SKAP2: variants seen among roughly 807,000 people sequenced by gnomAD.
The protein encoded by SKAP2 is src kinase associated phosphoprotein 2.
A neutral mutation model predicts 54.9 loss-of-function variants in SKAP2; 28 were observed. The observed-to-expected ratio is 0.51, with a 90% CI of 0.38 to 0.70. The LOEUF (loss-of-function observed/expected upper bound fraction) is 0.70. Among genes scored for constraint, SKAP2 ranks in the 30% least tolerant of loss-of-function variants. The pLI is 0.00. For missense variants in SKAP2, 356 were observed against 424.1 expected (o/e 0.84, Z 1.41); for synonymous variants, 137 against 134.3 (o/e 1.02, Z -0.14).
downstream of SKAP2, among the ~76,000 whole-genome samples, chr7:26,665,992 T>C (rs950993685): frequency 8.8e-4 from 132 of 149,722 alleles, 1 homozygote; most frequent in African/African-American, 3.0e-3. Flanking sequence ...ATATACAGTG[T>C]ACACACACAC....
At chr7:26,754,138 T>C (rs949184600) in intron 4 of SKAP2, among the ~76,000 whole-genome samples, 4 of 151,464 alleles carry the variant, frequency 2.6e-5, no homozygotes, top group Admixed American at 2.0e-4. Flanking sequence ...CTGAGGCGAG[T>C]GGATCACTTG....
chr7:26,751,070 T>C (rs893416327), intron 4 of SKAP2, among the ~76,000 whole-genome samples: 1 of 152,176 alleles, frequency 6.6e-6, no homozygotes, highest in African/African-American at 2.4e-5. Context: ...TACAAAAAGT[T>C]TAGAGTCATT....
intron 11 of SKAP2, among the ~76,000 whole-genome samples, chr7:26,672,728 A>G (rs988737140): frequency 6.6e-6 from 1 of 152,038 alleles, no homozygotes; most frequent in Non-Finnish European, 1.5e-5. Context: ...CAGCCATTAG[A>G]GTGTTGACAA....
At chr7:26,770,054 C>T (rs186778095) in intron 4 of SKAP2, among the ~76,000 whole-genome samples, 1,828 of 152,246 alleles carry the variant, frequency 0.012, 37 homozygotes, top group African/African-American at 0.041. Context: ...GTGCCCACAG[C>T]CACCCATTCC....
chr7:26,763,959 C>T (rs953911148), intron 4 of SKAP2, among the ~76,000 whole-genome samples: 2 of 152,138 alleles, frequency 1.3e-5, no homozygotes, highest in African/African-American at 2.4e-5. Flanking sequence ...ATCAACTATA[C>T]AATTCGTTGT....
chr7:26,811,873 G>A (rs1285014023), intron 4 of SKAP2, among the ~76,000 whole-genome samples: 1 of 152,102 alleles, frequency 6.6e-6, no homozygotes, highest in Non-Finnish European at 1.5e-5. Flanking sequence ...GTAATTTAAA[G>A]AACATTTTCC....
chr7:26,813,863 C>A (rs1246424045), intron 4 of SKAP2, among the ~76,000 whole-genome samples: 1 of 152,192 alleles, frequency 6.6e-6, no homozygotes, highest in Non-Finnish European at 1.5e-5. Flanking sequence ...TAATTTGCCA[C>A]AGAAAGGTCA....
intron 3 of SKAP2, among the ~76,000 whole-genome samples, chr7:26,852,294 T>G (rs1466867806): frequency 6.6e-6 from 1 of 152,232 alleles, no homozygotes; most frequent in African/African-American, 2.4e-5. Flanking sequence ...GAATAATTAC[T>G]TTGCAACTAT....
rs1455984362 is a variant in SKAP2 at position 26,667,479 on chromosome 7, T to C, written c.*2187A>G. 1.3e-5 allele frequency: 2 copies of C among 152,562 alleles called. No homozygotes were observed. The highest frequency in any genetic ancestry group is 2.9e-5 in the Non-Finnish European group (2 of 68,034). The allele number at this position is 152,562 out of a possible 1,614,324, so 9.5% of individuals were successfully genotyped here. A position where few individuals can be genotyped will look rare whatever the true frequency, so the allele number is the denominator to read the frequency against. ...GATTATTTGTCCTGTCACTCCAGTT[T>C]TAAGTCTTTTCTTTCCTTTCTTATG... On this transcript the variant is annotated 3_prime_UTR_variant, in exon 13 of 13. Coordinates refer to ENST00000345317, the MANE Select transcript of SKAP2 (RefSeq NM_003930.5).
intron 9 of SKAP2, among the ~76,000 whole-genome samples, chr7:26,705,451 C>T (rs1787135943): frequency 6.6e-6 from 1 of 152,154 alleles, no homozygotes; most frequent in Non-Finnish European, 1.5e-5. Flanking sequence ...GACATATGCA[C>T]TTTCCTGAAC....
intron 4 of SKAP2, among the ~76,000 whole-genome samples, chr7:26,770,798 A>C (rs1451908722): frequency 1.3e-5 from 2 of 152,160 alleles, no homozygotes; most frequent in Admixed American, 1.3e-4. Context: ...CTGTCTAACC[A>C]GTCCCAATGA....
chr7:26,751,479 T>C (rs1584368568), intron 4 of SKAP2, among the ~76,000 whole-genome samples: 1 of 152,208 alleles, frequency 6.6e-6, no homozygotes, highest in African/African-American at 2.4e-5. Flanking sequence ...TTAGTCTTCA[T>C]AGGTAAATAG....
At chr7:26,810,801 C>T (rs916838127) in intron 4 of SKAP2, among the ~76,000 whole-genome samples, 2 of 152,142 alleles carry the variant, frequency 1.3e-5, no homozygotes, top group African/African-American at 4.8e-5. Context: ...CCTGCCTCAG[C>T]CTCCCGCGTA....
At chr7:26,702,340 C>T (rs1007350618) in intron 9 of SKAP2, among the ~76,000 whole-genome samples, 11 of 152,056 alleles carry the variant, frequency 7.2e-5, no homozygotes, top group South Asian at 4.1e-4. Context: ...CAGGGTTTTG[C>T]CATGTTGCCC....
At chr7:26,797,945 G>A (rs187466355) in intron 4 of SKAP2, among the ~76,000 whole-genome samples, 2 of 151,572 alleles carry the variant, frequency 1.3e-5, no homozygotes, top group African/African-American at 4.8e-5. Context: ...CAGCAGAATT[G>A]ATCAAGCAGA....
At chr7:26,701,213 TC>T (rs1787014604) in intron 9 of SKAP2, among the ~76,000 whole-genome samples, 1 of 152,180 alleles carries the variant, frequency 6.6e-6, no homozygotes, top group Non-Finnish European at 1.5e-5. Context: ...GGGCTTCTGT[TC>T]CCTCTTACCA....
intron 4 of SKAP2, among the ~76,000 whole-genome samples, chr7:26,769,700 T>C (rs561089546): frequency 6.6e-6 from 1 of 152,322 alleles, no homozygotes; most frequent in East Asian, 1.9e-4. Context: ...GTTTTCCTTC[T>C]AATAGGCCTC....
At chr7:26,768,345 A>G (rs1334092872) in intron 4 of SKAP2, among the ~76,000 whole-genome samples, 3 of 141,244 alleles carry the variant, frequency 2.1e-5, no homozygotes, top group Non-Finnish European at 1.5e-5. Context: ...TTTTGACTCT[A>G]TTTGTGTCTT....
chr7:26,749,252 A>G (rs1453924020), intron 4 of SKAP2, among the ~76,000 whole-genome samples: 2 of 152,222 alleles, frequency 1.3e-5, no homozygotes, highest in East Asian at 1.9e-4. Flanking sequence ...AAGATTATAC[A>G]TAATAAAGAT....
Sources: gnomAD v4.1 joint callset for allele counts (sites outside exome capture counted in the v4.1 genomes callset) on GRCh38, gnomAD v4.1.1 for gene constraint, MANE v1.5 for transcripts, NCBI Gene and HGNC (gene_info 2026-07-23, HGNC 2026-07-21) for gene names.